The following PPFIBP2 variants were observed in gnomAD, a reference collection of about 807,000 sequenced individuals.
PPFIBP2 encodes PPFIB scaffold protein 2.
Under a neutral mutation model 118.3 loss-of-function variants are expected in PPFIBP2, and 118 were observed. The ratio of observed to expected loss-of-function variants is 1.00; its 90% CI spans 0.86 to 1.16. The LOEUF (loss-of-function observed/expected upper bound fraction) is 1.16, where lower values mean the gene tolerates loss of function less well. Among genes scored for constraint, PPFIBP2 ranks in the 50% most tolerant of loss-of-function variants. PPFIBP2 has a pLI of 0.00. For missense variants in PPFIBP2, 1,195 were observed against 1,073.1 expected (o/e 1.11, Z -1.59); for synonymous variants, 414 against 397.4 (o/e 1.04, Z -0.50).
At chr11:7,605,118 G>T (rs541718629) in intron 5 of PPFIBP2, among the ~76,000 whole-genome samples, 3 of 152,288 alleles carry the variant, frequency 2.0e-5, no homozygotes, top group African/African-American at 7.2e-5. Flanking sequence ...TCTGAACTAG[G>T]GAACAGTTTT....
At chr11:7,620,746 A>T (rs1849249708) in intron 6 of PPFIBP2, among the ~76,000 whole-genome samples, 189 bp from the exon 7 acceptor site, 1 of 152,196 alleles carries the variant, frequency 6.6e-6, no homozygotes, top group African/African-American at 2.4e-5. Flanking sequence ...TTATGTCTGG[A>T]ACTCCCTGGC....
intron 1 of PPFIBP2, among the ~76,000 whole-genome samples, chr11:7,520,007 A>G (rs1330553394): frequency 6.6e-6 from 1 of 152,198 alleles, no homozygotes; most frequent in Non-Finnish European, 1.5e-5. Flanking sequence ...GCTTTCCAGC[A>G]TAGAGGGGTA....
chr11:7,520,956 T>C (rs929088252), intron 1 of PPFIBP2, among the ~76,000 whole-genome samples: 2 of 152,226 alleles, frequency 1.3e-5, no homozygotes, highest in Non-Finnish European at 2.9e-5. Context: ...TTCATTCTTA[T>C]CTCTCACTCA....
At chr11:7,622,137 C>T (rs1313116611) in intron 7 of PPFIBP2, among the ~76,000 whole-genome samples, 7 of 152,180 alleles carry the variant, frequency 4.6e-5, no homozygotes, top group Admixed American at 2.0e-4. Flanking sequence ...GCATGGTGGT[C>T]ACATCTGCTC....
chr11:7,648,148 A>T lies in PPFIBP2; in HGVS notation c.1647-239A>T, dbSNP rs1853394896. 3 of 459,914 alleles carry T rather than the reference A, an allele frequency of 6.5e-6. No individual in the cohort carries two copies. In the South Asian group the frequency reaches 9.2e-5, roughly 14 times the overall value. 28.5% of individuals were successfully genotyped at this position (459,914 alleles called of 1,614,324 possible). A position where few individuals can be genotyped will look rare whatever the true frequency, so the allele number is the denominator to read the frequency against. On this transcript the variant is annotated intron_variant, in intron 17 of 23. Coordinates refer to ENST00000299492, the MANE Select transcript of PPFIBP2 (RefSeq NM_003621.5). Reference sequence around the variant, plus strand: ...GGCCATACAGGCTGCCCCATTCTCTAAGTAGCCTGAGATTTGAAATTCAGA... The same window carrying T: ...GGCCATACAGGCTGCCCCATTCTCTTAGTAGCCTGAGATTTGAAATTCAGA...
At chr11:7,566,528 TA>T (rs71978502) in intron 3 of PPFIBP2, among the ~76,000 whole-genome samples, 2 of 151,090 alleles carry the variant, frequency 1.3e-5, no homozygotes, top group African/African-American at 2.4e-5. Flanking sequence ...CCTGGCTAAT[TA>T]AAAAAAAAAT....
At chr11:7,618,150 C>G (rs1262469324) in intron 6 of PPFIBP2, among the ~76,000 whole-genome samples, 1 of 151,922 alleles carries the variant, frequency 6.6e-6, no homozygotes, top group Admixed American at 6.6e-5. Flanking sequence ...ATAGGTGTTG[C>G]GGGAAGGGAT....
At chr11:7,541,701 C>CAGAG (rs1239540944) in intron 1 of PPFIBP2, among the ~76,000 whole-genome samples, 10 of 152,220 alleles carry the variant, frequency 6.6e-5, no homozygotes, top group Non-Finnish European at 1.5e-4. Context: ...TCCCAGACTT[C>CAGAG]TCTGTAAACA....
intron 5 of PPFIBP2, among the ~76,000 whole-genome samples, chr11:7,603,022 C>G (rs907179158): frequency 6.6e-6 from 1 of 152,212 alleles, no homozygotes; most frequent in African/African-American, 2.4e-5. Flanking sequence ...AGTCAAGACA[C>G]TGAGCCTAAG....
chr11:7,558,912 C>T (rs573342756), intron 2 of PPFIBP2, among the ~76,000 whole-genome samples: 1 of 152,160 alleles, frequency 6.6e-6, no homozygotes, highest in Non-Finnish European at 1.5e-5. Context: ...ACCATCAAAG[C>T]TAGACTTCAT....
At chr11:7,614,626 G>A (rs1848430954) in intron 6 of PPFIBP2, among the ~76,000 whole-genome samples, 1 of 152,140 alleles carries the variant, frequency 6.6e-6, no homozygotes, top group African/African-American at 2.4e-5. Context: ...TATGGGTCAA[G>A]GAGTACATGA....
intron 4 of PPFIBP2, among the ~76,000 whole-genome samples, chr11:7,594,369 A>C (rs2135268492): frequency 6.6e-6 from 1 of 151,962 alleles, no homozygotes; most frequent in Non-Finnish European, 1.5e-5. Flanking sequence ...CACTTCATTG[A>C]TTTCTTCATT....
At chr11:7,640,304 A>T (rs908984727) in intron 15 of PPFIBP2, among the ~76,000 whole-genome samples, 15 of 151,934 alleles carry the variant, frequency 9.9e-5, no homozygotes, top group Admixed American at 8.5e-4. Flanking sequence ...CAGCTTCCCT[A>T]TTCCCCGTAG....
intron 1 of PPFIBP2, among the ~76,000 whole-genome samples, chr11:7,521,312 C>G (rs546951103): frequency 1.3e-5 from 2 of 152,334 alleles, no homozygotes; most frequent in Admixed American, 6.5e-5. Context: ...ATAGGACTGT[C>G]TCTCTGATAG....
At chr11:7,589,071 C>T (rs1289898758) in intron 3 of PPFIBP2, among the ~76,000 whole-genome samples, 2 of 152,192 alleles carry the variant, frequency 1.3e-5, no homozygotes, top group African/African-American at 4.8e-5. Context: ...TTTTCCCTGT[C>T]ACATTTGTAG....
chr11:7,640,872 C>T (rs897894360), intron 15 of PPFIBP2, among the ~76,000 whole-genome samples: 7 of 152,250 alleles, frequency 4.6e-5, no homozygotes, highest in East Asian at 1.9e-4. Flanking sequence ...CCACTCACCC[C>T]CTCCTTCTCC....
chr11:7,593,094 A>G (rs749633670), intron 3 of PPFIBP2, 38 bp from the exon 4 acceptor site: 32 of 1,600,284 alleles, frequency 2.0e-5, no homozygotes, highest in Admixed American at 7.1e-5. Context: ...TGTTTTTCCA[A>G]CCTTTTAAGT....
chr11:7,589,714 A>G (rs1318900452), intron 3 of PPFIBP2, among the ~76,000 whole-genome samples: 1 of 152,100 alleles, frequency 6.6e-6, no homozygotes, highest in Non-Finnish European at 1.5e-5. Context: ...ACCTGACTTC[A>G]TGCGTGGAGA....
intron 2 of PPFIBP2, among the ~76,000 whole-genome samples, chr11:7,560,311 G>C (rs1854153653): frequency 6.6e-6 from 1 of 152,130 alleles, no homozygotes; most frequent in Non-Finnish European, 1.5e-5. Context: ...TGTCAAACTT[G>C]AATCTCTCAC....
Sources: gnomAD v4.1 joint callset for allele counts (sites outside exome capture counted in the v4.1 genomes callset) on GRCh38, gnomAD v4.1.1 for gene constraint, MANE v1.5 for transcripts, NCBI Gene and HGNC (gene_info 2026-07-23, HGNC 2026-07-21) for gene names.